DCC: variants seen among roughly 807,000 people sequenced by gnomAD.
DCC encodes the protein DCC netrin 1 receptor, also known as netrin receptor DCC.
Under a neutral mutation model 172.5 loss-of-function variants are expected in DCC, and 58 were observed. The ratio of observed to expected loss-of-function variants is 0.34; its 90% CI spans 0.27 to 0.42. DCC has a LOEUF of 0.42. Among genes scored for constraint, DCC ranks in the 10% least tolerant of loss-of-function variants. The pLI, the probability that DCC is intolerant of heterozygous loss-of-function variation, is 1.00. For missense variants in DCC, 1,740 were observed against 1,791.0 expected, an observed-to-expected ratio of 0.97 and a Z score of 0.51; for synonymous variants, 709 against 644.5, an observed-to-expected ratio of 1.10 and a Z score of -1.52.
At chr18:53,346,329 T>A (rs79944348) in intron 15 of DCC, among the ~76,000 whole-genome samples, 2,738 of 152,298 alleles carry the variant, frequency 0.018, 76 homozygotes, top group African/African-American at 0.062. Flanking sequence ...TGTAAATTTA[T>A]GATTTCACCA....
chr18:53,440,496 CCTGT>C (rs1255312660), intron 22 of DCC, among the ~76,000 whole-genome samples: 1 of 115,276 alleles, frequency 8.7e-6, no homozygotes, highest in African/African-American at 2.8e-5. Flanking sequence ...TTTTTGCAAA[CCTGT>C]TTTTTTTTTT....
chr18:53,530,887 A>G lies in DCC; in HGVS notation c.*234A>G. 3.3e-6 allele frequency: 2 copies of G among 601,380 alleles called. No homozygotes were observed. The highest frequency in any genetic ancestry group is 6.0e-6 in the Non-Finnish European group (2 of 334,654). The allele number at this position is 601,380 out of a possible 1,614,324, so 37.3% of individuals were successfully genotyped here. On this transcript the variant is annotated 3_prime_UTR_variant, in exon 29 of 29. Coordinates refer to ENST00000442544, the MANE Select transcript of DCC (RefSeq NM_005215.4). ...GTTCCCTAAACAAAAGCAAAGATGC[A>G]TTTTCACTGCAATGTCAAAGTTTAA...
intron 1 of DCC, among the ~76,000 whole-genome samples, chr18:52,366,601 G>C (rs1021698612): frequency 4.6e-5 from 7 of 151,766 alleles, no homozygotes; most frequent in Non-Finnish European, 1.0e-4. Flanking sequence ...ACAGAGTGTC[G>C]ATTGGTGCGC....
chr18:53,175,569 C>A (rs2055079189), intron 8 of DCC, among the ~76,000 whole-genome samples: 1 of 148,860 alleles, frequency 6.7e-6, no homozygotes, highest in South Asian at 2.2e-4. Flanking sequence ...AGTGAACTCC[C>A]ATTCACAATT....
At chr18:52,849,045 T>A (rs139587877) in intron 2 of DCC, among the ~76,000 whole-genome samples, 328 of 152,310 alleles carry the variant, frequency 2.2e-3, no homozygotes, top group African/African-American at 7.5e-3. Flanking sequence ...ATTTTCTTCT[T>A]CCTGCTGCTG....
chr18:53,086,452 TTTCTTC>T lies in DCC; in HGVS notation c.1261+20302_1261+20307del, dbSNP rs1244590081. 3.3e-4 allele frequency among the ~76,000 whole-genome samples: 15 copies of T among 45,680 alleles called. 3 individuals are homozygous for T. In the East Asian group the frequency reaches 3.3e-3, roughly 10 times the overall value. 30.0% of individuals were successfully genotyped at this position (45,680 alleles called of 152,430 possible). The stretch of plus-strand genomic sequence containing the variant: ...CCTTTCTTCTTCTTCTTCTTCTTCC[TTTCTTC>T]TTCTTCTTCTTCTTCCTTTCTTCTT... On this transcript the variant is annotated intron_variant, in intron 7 of 28. Transcript: ENST00000442544.
intron 8 of DCC, among the ~76,000 whole-genome samples, chr18:53,166,380 A>G (rs2144424985): frequency 6.6e-6 from 1 of 152,262 alleles, no homozygotes; most frequent in Non-Finnish European, 1.5e-5. Flanking sequence ...AAAGGAGAGG[A>G]TTGGGACAGA....
rs369334224 is a variant in DCC, at chr18:53,269,476, A to T, written c.1912-36102A>T. Among the ~76,000 whole-genome samples, 49 of 152,286 alleles carry T rather than the reference A, an allele frequency of 3.2e-4. No individual in the cohort carries two copies. In the East Asian group the frequency reaches 8.3e-3, roughly 26 times the overall value. ...CTCCACCATATCAACCTAGATCTTA[A>T]GTGAAAAAGTACAGGGGAAAATTAT... On this transcript the variant is annotated intron_variant, in intron 12 of 28. Coordinates refer to ENST00000442544, the MANE Select transcript of DCC (RefSeq NM_005215.4).
chr18:52,522,334 A>G (rs1009984421), intron 1 of DCC, among the ~76,000 whole-genome samples: 34 of 152,156 alleles, frequency 2.2e-4, no homozygotes, highest in Non-Finnish European at 7.3e-5. Flanking sequence ...ATCGTTAGAC[A>G]CAATAACCAA....
At chr18:52,574,068 T>C (rs1221354306) in intron 1 of DCC, among the ~76,000 whole-genome samples, 1 of 152,230 alleles carries the variant, frequency 6.6e-6, no homozygotes, top group African/African-American at 2.4e-5. Context: ...TTTTGTAGTC[T>C]ACAGCATGTC....
At chr18:52,712,175 G>T (rs1040296541) in intron 1 of DCC, among the ~76,000 whole-genome samples, 1 of 152,120 alleles carries the variant, frequency 6.6e-6, no homozygotes, top group Admixed American at 6.5e-5. Context: ...TGGCCAGGAT[G>T]GCCTTGATCT....
chr18:53,279,361 G>A (rs1347028360), intron 12 of DCC, among the ~76,000 whole-genome samples: 2 of 151,776 alleles, frequency 1.3e-5, no homozygotes, highest in South Asian at 2.1e-4. Flanking sequence ...CATGGATGAA[G>A]CTGGAAACCA....
At position 53,042,416 on chromosome 18, in the gene DCC, A is replaced by G. The variant is rs191722988; in HGVS notation, c.986-20889A>G. Among the ~76,000 whole-genome samples, 787 of 152,034 alleles carry G rather than the reference A, an allele frequency of 5.2e-3. 6 individuals carry two copies. Among genetic ancestry groups the G allele is most frequent in the Admixed American group, 0.022 (340 of 15,212 alleles). ...GCTGGATTCAGTTTGCCAGTATTTT[A>G]TTGAGGATTTTCACATCGATGTTCG... On this transcript the variant is annotated intron_variant, in intron 5 of 28. Transcript: ENST00000442544.
chr18:53,193,702 C>T (rs1299387453), intron 9 of DCC, among the ~76,000 whole-genome samples: 2 of 152,180 alleles, frequency 1.3e-5, no homozygotes, highest in Non-Finnish European at 2.9e-5. Flanking sequence ...GTGAAACCTA[C>T]GTGTTAGGAG....
chr18:52,699,136 C>T (rs1318210875), intron 1 of DCC, among the ~76,000 whole-genome samples: 1 of 152,138 alleles, frequency 6.6e-6, no homozygotes, highest in Admixed American at 6.5e-5. Context: ...AAGGTATGAG[C>T]AAAATCTTCC....
rs147378468 is a variant in DCC at position 52,784,561 on chromosome 18, A to G, written c.412+32187A>G. Among the ~76,000 whole-genome samples, 38 of 152,008 alleles carry G rather than the reference A, an allele frequency of 2.5e-4. 1 individual carries two copies. In the East Asian group the frequency reaches 5.4e-3, roughly 22 times the overall value. ...ATATACGGGTTCAATTTTTCTCTAC[A>G]TGTTTGCCAGCAGTTGTTATTTTTT... On this transcript the variant is annotated intron_variant, in intron 2 of 28. Coordinates refer to ENST00000442544, the MANE Select transcript of DCC (RefSeq NM_005215.4).
intron 1 of DCC, among the ~76,000 whole-genome samples, chr18:52,344,952 A>G (rs1486971457): frequency 1.3e-5 from 2 of 152,188 alleles, no homozygotes; most frequent in East Asian, 1.9e-4. Context: ...GTGAATTATG[A>G]TAGCTCTAAT....
intron 2 of DCC, among the ~76,000 whole-genome samples, chr18:52,840,975 G>A (rs920415471): frequency 6.7e-6 from 1 of 149,552 alleles, no homozygotes; most frequent in African/African-American, 2.4e-5. Context: ...AAAAAAAAAA[G>A]CAGGAAAATA....
At chr18:53,455,870 A>G (rs1321553884) in intron 23 of DCC, among the ~76,000 whole-genome samples, 1 of 152,204 alleles carries the variant, frequency 6.6e-6, no homozygotes. Context: ...TAAGCTTTCA[A>G]TGCCTCCCTG....
Sources: allele counts gnomAD v4.1 joint callset (sites outside exome capture counted in the v4.1 genomes callset), GRCh38; gene constraint gnomAD v4.1.1; transcripts MANE v1.5; gene names NCBI Gene and HGNC (gene_info 2026-07-23, HGNC 2026-07-21).